EPHA6: variants seen among roughly 807,000 people sequenced by gnomAD.
The protein encoded by EPHA6 is EPH receptor A6, also known as ephrin type-A receptor 6.
A neutral mutation model predicts 112.0 loss-of-function variants in EPHA6; 50 were observed. That is an observed-to-expected ratio of 0.45 (90% CI 0.36 to 0.56). The LOEUF (loss-of-function observed/expected upper bound fraction) is 0.56. EPHA6 is among the 20% of genes least tolerant of loss of function. The probability of loss-of-function intolerance (pLI) is 0.00; values close to 1 mark genes in which losing one functional copy is unlikely to be tolerated. For missense variants in EPHA6, 1,280 were observed against 1,417.4 expected, an observed-to-expected ratio of 0.90 and a Z score of 1.56; for synonymous variants, 529 against 490.7, an observed-to-expected ratio of 1.08 and a Z score of -1.03.
At chr3:97,616,021 T>C (rs1248014058) in intron 13 of EPHA6, among the ~76,000 whole-genome samples, 4 of 152,100 alleles carry the variant, frequency 2.6e-5, no homozygotes, top group Non-Finnish European at 4.4e-5. Context: ...TCCTCCTGAC[T>C]GGGTGAGATC....
chr3:97,265,662 G>A (rs9852637), intron 5 of EPHA6, among the ~76,000 whole-genome samples: 5,631 of 152,236 alleles, frequency 0.037, 355 homozygotes, highest in African/African-American at 0.13. Context: ...TGCCTGGGAG[G>A]GTGGTGCTCC....
intron 2 of EPHA6, among the ~76,000 whole-genome samples, chr3:96,867,418 T>A (rs1008274656): frequency 6.6e-6 from 1 of 151,806 alleles, no homozygotes; most frequent in Non-Finnish European, 1.5e-5. Context: ...GATGTGTAAT[T>A]TGCAAAATAT....
chr3:97,628,287 A>G (rs1352932798), intron 13 of EPHA6, among the ~76,000 whole-genome samples: 1 of 152,002 alleles, frequency 6.6e-6, no homozygotes, highest in East Asian at 1.9e-4. Flanking sequence ...GATAAAGTGC[A>G]TAAAAGAAAG....
At chr3:97,365,395 A>AG (rs2084658634) in intron 5 of EPHA6, among the ~76,000 whole-genome samples, 1 of 151,452 alleles carries the variant, frequency 6.6e-6, no homozygotes, top group Non-Finnish European at 1.5e-5. Context: ...AATCATAAAG[A>AG]CTTTTTTTTT....
intron 16 of EPHA6, among the ~76,000 whole-genome samples, chr3:97,743,028 C>T (rs572487722): frequency 6.6e-6 from 1 of 152,178 alleles, no homozygotes; most frequent in South Asian, 2.1e-4. Flanking sequence ...GAACCCTTAA[C>T]CCTAAGCTAC....
At chr3:97,266,896 A>T (rs920148237) in intron 5 of EPHA6, among the ~76,000 whole-genome samples, 2 of 152,088 alleles carry the variant, frequency 1.3e-5, no homozygotes, top group Non-Finnish European at 2.9e-5. Flanking sequence ...TTGCGTTTAG[A>T]TAAGCTAATT....
intron 12 of EPHA6, chr3:97,606,059 C>T: frequency 6.6e-6 from 1 of 151,154 alleles, no homozygotes; most frequent in East Asian, 1.9e-4. Context: ...ACTTAATTAC[C>T]AAGCAATTTA....
In EPHA6 at chr3:97,313,915, G is replaced by T. The variant is rs2081679476; in HGVS notation, c.1606+69628G>T. The stretch of plus-strand genomic sequence containing the variant: ...TCCAACTTGCCTATTTCTTGCTTTT[G>T]TTGCTCATGCTTTTGGAGTCCTATT... On this transcript the variant is annotated intron_variant, in intron 5 of 17. Coordinates refer to ENST00000389672, the MANE Select transcript of EPHA6 (RefSeq NM_001080448.3). 4.0e-5 allele frequency among the ~76,000 whole-genome samples: 6 copies of T among 151,520 alleles called. No homozygotes were observed. The South Asian group carries it at 1.2e-3, about 31-fold the overall frequency.
intron 5 of EPHA6, among the ~76,000 whole-genome samples, chr3:97,386,625 C>G (rs964156780): frequency 6.6e-6 from 1 of 152,180 alleles, no homozygotes; most frequent in Admixed American, 6.5e-5. Context: ...GTGTCTGCAG[C>G]TTTTCCAGGC....
chr3:97,534,813 G>A (rs1436678597), intron 11 of EPHA6, among the ~76,000 whole-genome samples: 2 of 151,926 alleles, frequency 1.3e-5, no homozygotes, highest in Admixed American at 6.6e-5. Flanking sequence ...TCTCTGGCAG[G>A]CAAAAGATAA....
chr3:97,320,757 C>A (rs1474040425), intron 5 of EPHA6, among the ~76,000 whole-genome samples: 1 of 145,992 alleles, frequency 6.8e-6, no homozygotes, highest in South Asian at 2.1e-4. Context: ...GCATTAGAAA[C>A]CTGTTTCTGA....
At chr3:97,008,790 T>C (rs2043976048) in intron 3 of EPHA6, among the ~76,000 whole-genome samples, 1 of 152,114 alleles carries the variant, frequency 6.6e-6, no homozygotes, top group African/African-American at 2.4e-5. Context: ...GATGGGTTTT[T>C]TATGGGGGCC....
At chr3:97,675,645 A>C (rs2031301671) in intron 14 of EPHA6, among the ~76,000 whole-genome samples, 1 of 152,178 alleles carries the variant, frequency 6.6e-6, no homozygotes. Flanking sequence ...GATCTGAAAC[A>C]GTCGTTACCC....
At chr3:97,182,374 ATATAT>A (rs909776064) in intron 3 of EPHA6, among the ~76,000 whole-genome samples, 1 of 150,026 alleles carries the variant, frequency 6.7e-6, no homozygotes, top group African/African-American at 2.4e-5. Context: ...TTGTTTCATA[ATATAT>A]TATTATACTA....
At chr3:97,181,761 C>G (rs1276527980) in intron 3 of EPHA6, among the ~76,000 whole-genome samples, 4 of 151,992 alleles carry the variant, frequency 2.6e-5, no homozygotes, top group Non-Finnish European at 5.9e-5. Context: ...TGGTTGATGA[C>G]CTTTTTTAAA....
chr3:97,058,574 T>C (rs1463713123), intron 3 of EPHA6, among the ~76,000 whole-genome samples: 1 of 152,184 alleles, frequency 6.6e-6, no homozygotes, highest in Non-Finnish European at 1.5e-5. Context: ...AGTGCTGGGA[T>C]TACAGGTGTG....
intron 3 of EPHA6, among the ~76,000 whole-genome samples, chr3:97,205,853 A>C (rs1020378209): frequency 2.0e-5 from 3 of 152,140 alleles, no homozygotes. Context: ...TAAACATGTT[A>C]CATAAATTGC....
In EPHA6 at chr3:97,270,742, C is replaced by T. The variant is rs181674028; in HGVS notation, c.1606+26455C>T. Among the ~76,000 whole-genome samples the T allele has an allele frequency of 7.9e-5, 12 of 152,340 alleles. 1 individual carries two copies. The East Asian group carries it at 2.3e-3, about 29-fold the overall frequency. On this transcript the variant is annotated intron_variant, in intron 5 of 17. Transcript: ENST00000389672. ...AACAAGGTTGCCCAGTTTAGAGGAT[C>T]TTCATGATATCCTCCAGCACAGTAA...
intron 11 of EPHA6, among the ~76,000 whole-genome samples, chr3:97,536,465 A>G (rs1339490500): frequency 6.6e-6 from 1 of 152,208 alleles, no homozygotes; most frequent in Non-Finnish European, 1.5e-5. Flanking sequence ...ATAGAAACCA[A>G]TCAGGGTAGC....
Sources: gnomAD v4.1 joint callset for allele counts (sites outside exome capture counted in the v4.1 genomes callset) on GRCh38, gnomAD v4.1.1 for gene constraint, MANE v1.5 for transcripts, NCBI Gene and HGNC (gene_info 2026-07-23, HGNC 2026-07-21) for gene names.